Variants in ENKUR observed in about 807,000 individuals in gnomAD.
The protein encoded by ENKUR is enkurin, TRPC channel interacting protein, also known as enkurin.
A neutral mutation model predicts 27.6 loss-of-function variants in ENKUR; 19 were observed. The ratio of observed to expected loss-of-function variants is 0.69; its 90% CI spans 0.48 to 1.01. The LOEUF is 1.01. ENKUR is among the 50% of genes least tolerant of loss of function. The pLI, the probability that ENKUR is intolerant of heterozygous loss-of-function variation, is 0.00. For missense variants in ENKUR, 312 were observed against 310.5 expected, an observed-to-expected ratio of 1.00 and a Z score of -0.04; for synonymous variants, 117 against 96.9, an observed-to-expected ratio of 1.21 and a Z score of -1.22.
chr10:24,991,382 C>G (rs1849924738), intron 3 of ENKUR, among the ~76,000 whole-genome samples: 1 of 151,968 alleles, frequency 6.6e-6, no homozygotes, highest in Non-Finnish European at 1.5e-5. Flanking sequence ...AAAACTTATG[C>G]CTCCATCCTG....
chr10:24,994,669 A>T (rs1447494148), intron 3 of ENKUR, among the ~76,000 whole-genome samples: 1 of 152,144 alleles, frequency 6.6e-6, no homozygotes, highest in African/African-American at 2.4e-5. Context: ...TTTAAGCTTT[A>T]TAAGTGCGCA....
intron 2 of ENKUR, among the ~76,000 whole-genome samples, chr10:25,048,422 G>C (rs1201289287): frequency 6.6e-6 from 1 of 152,040 alleles, no homozygotes; most frequent in Non-Finnish European, 1.5e-5. Flanking sequence ...AAAAGGGGCA[G>C]GTAAGTCTCA....
At chr10:25,003,177 AATTAATTT>A (rs1850231693) in intron 1 of ENKUR, among the ~76,000 whole-genome samples, 1 of 145,064 alleles carries the variant, frequency 6.9e-6, no homozygotes, top group Non-Finnish European at 1.6e-5. Context: ...TTAATTAATT[AATTAATTT>A]ATTTATTTAT....
intron 2 of ENKUR, among the ~76,000 whole-genome samples, chr10:25,021,461 T>G (rs74767611): frequency 6.6e-6 from 1 of 152,164 alleles, no homozygotes; most frequent in African/African-American, 2.4e-5. Flanking sequence ...CCAGATATCC[T>G]TCTGAAAAGT....
chr10:25,012,035 A>G (rs57710970), intron 1 of ENKUR, among the ~76,000 whole-genome samples: 1 of 152,166 alleles, frequency 6.6e-6, no homozygotes, highest in East Asian at 1.9e-4. Flanking sequence ...GCCCTGAGTC[A>G]CAGCCATGGC....
At chr10:24,986,950 A>G (rs1243321731) in intron 4 of ENKUR, among the ~76,000 whole-genome samples, 1 of 152,196 alleles carries the variant, frequency 6.6e-6, no homozygotes, top group Non-Finnish European at 1.5e-5. Context: ...AAATTCAGAC[A>G]GGGAGAAGTG....
chr10:25,032,873 G>A (rs552893759), intron 2 of ENKUR, among the ~76,000 whole-genome samples: 2 of 152,238 alleles, frequency 1.3e-5, no homozygotes, highest in African/African-American at 4.8e-5. Context: ...ATCGTTTCTG[G>A]TGCTAGCCTC....
At chr10:25,056,424 G>A (rs1029521265) in intron 2 of ENKUR, among the ~76,000 whole-genome samples, 17 of 152,154 alleles carry the variant, frequency 1.1e-4, no homozygotes, top group African/African-American at 3.1e-4. Context: ...GGGGGAAGAC[G>A]CATTCATATT....
At chr10:25,056,407 T>C (rs1231963666) in intron 2 of ENKUR, among the ~76,000 whole-genome samples, 1 of 152,196 alleles carries the variant, frequency 6.6e-6, no homozygotes, top group Non-Finnish European at 1.5e-5. Flanking sequence ...ACATCTCTTA[T>C]GAGAATGGGG....
intron 3 of ENKUR, among the ~76,000 whole-genome samples, chr10:24,993,244 A>C (rs1437101053): frequency 1.3e-5 from 2 of 152,232 alleles, no homozygotes; most frequent in African/African-American, 4.8e-5. Flanking sequence ...TATGGGCTGA[A>C]TCACCGGAGG....
At chr10:25,050,754 T>A (rs1375351718) in intron 2 of ENKUR, among the ~76,000 whole-genome samples, 1 of 152,146 alleles carries the variant, frequency 6.6e-6, no homozygotes, top group Non-Finnish European at 1.5e-5. Flanking sequence ...TGTGGAGAAT[T>A]TCTTAAAAGG....
chr10:25,010,834 C>T (rs1850426313), intron 1 of ENKUR, among the ~76,000 whole-genome samples: 1 of 151,016 alleles, frequency 6.6e-6, no homozygotes, highest in African/African-American at 2.4e-5. Context: ...TTTCTTAGTC[C>T]AGTCTATCAT....
intron 2 of ENKUR, among the ~76,000 whole-genome samples, chr10:25,022,897 G>A (rs1052917666): frequency 3.9e-5 from 6 of 152,092 alleles, no homozygotes; most frequent in Non-Finnish European, 8.8e-5. Context: ...CTGGCACTTT[G>A]TGAATACAAG....
At chr10:25,058,063 A>C (rs902168945) in intron 2 of ENKUR, among the ~76,000 whole-genome samples, 3 of 152,106 alleles carry the variant, frequency 2.0e-5, no homozygotes, top group Non-Finnish European at 4.4e-5. Flanking sequence ...GTTGATAGGA[A>C]GAAAGCCCCT....
At chr10:25,057,844 G>A (rs965247973) in intron 2 of ENKUR, among the ~76,000 whole-genome samples, 1 of 152,024 alleles carries the variant, frequency 6.6e-6, no homozygotes, top group African/African-American at 2.4e-5. Context: ...GGGCAGTTAG[G>A]TATTTATTTC....
chr10:25,058,513 C>T (rs1189467040), intron 2 of ENKUR, among the ~76,000 whole-genome samples: 2 of 152,130 alleles, frequency 1.3e-5, no homozygotes, highest in South Asian at 4.1e-4. Context: ...CAGACTCATT[C>T]AATTTTAAAT....
rs1386556060 is a variant in ENKUR, at chr10:24,984,340, T to C, written c.*30A>G. 1.5e-5 allele frequency: 24 copies of C among 1,590,438 alleles called. No individual in the cohort carries two copies. Among genetic ancestry groups the C allele is most frequent in the Non-Finnish European group, 2.1e-5 (24 of 1,168,130 alleles). ...TGTTACTATTTCCAGTTCAAAATAC[T>C]TAACAGTTTTCAAAGTTGTGCTGTT... On this transcript the variant is annotated 3_prime_UTR_variant, in exon 6 of 6. Coordinates refer to ENST00000331161, the MANE Select transcript of ENKUR (RefSeq NM_145010.4).
At chr10:25,023,558 T>C in intron 2 of ENKUR, 1 of 1,614,132 alleles carries the variant, frequency 6.2e-7, no homozygotes, top group Non-Finnish European at 8.5e-7. Flanking sequence ...GAGCAATTTT[T>C]AGAAGAGGAA....
chr10:25,033,834 T>C (rs1850966299), intron 2 of ENKUR, among the ~76,000 whole-genome samples: 1 of 79,058 alleles, frequency 1.3e-5, no homozygotes, highest in African/African-American at 3.6e-5. Context: ...TGTCTATCTA[T>C]CTATCTATCT....
Sources: gnomAD v4.1 joint callset for allele counts (sites outside exome capture counted in the v4.1 genomes callset) on GRCh38, gnomAD v4.1.1 for gene constraint, MANE v1.5 for transcripts, NCBI Gene and HGNC (gene_info 2026-07-23, HGNC 2026-07-21) for gene names.